The following CFAP57 variants were observed in gnomAD, a reference collection of about 807,000 sequenced individuals.
CFAP57 encodes the protein cilia and flagella associated protein 57, also known as cilia- and flagella-associated protein 57.
A neutral mutation model predicts 146.8 loss-of-function variants in CFAP57; 116 were observed. The observed-to-expected ratio is 0.79, with a 90% CI of 0.68 to 0.92. CFAP57 has a LOEUF of 0.92. Ranked by LOEUF, CFAP57 falls within the 40% of genes least tolerant of loss-of-function variation. The pLI, the probability that CFAP57 is intolerant of heterozygous loss-of-function variation, is 0.00. For synonymous variants in CFAP57, 518 were observed against 552.8 expected, an observed-to-expected ratio of 0.94 and a Z score of 0.88; for missense variants, 1,377 against 1,527.2, an observed-to-expected ratio of 0.90 and a Z score of 1.64.
Position 43,227,182 on chromosome 1 carries a change from A to G in CFAP57, c.3009+56A>G, listed in dbSNP as rs1002203549. ...TCAGACCCTCTGTCTCTTCTTCCAC[A>G]ATTGGCTAGCTGGCCTCAGGGACTG... On this transcript the variant is annotated intron_variant, in intron 18 of 22. Coordinates refer to ENST00000372492, the MANE Select transcript of CFAP57 (RefSeq NM_001378189.1). 1.4e-5 allele frequency: 20 copies of G among 1,450,288 alleles called. No individual in the cohort carries two copies. In the Middle Eastern group the frequency reaches 9.0e-4, roughly 65 times the overall value. The allele number at this position is 1,450,288 out of a possible 1,614,324, so 89.8% of individuals were successfully genotyped here.
rs377303300 is a variant in CFAP57 at position 43,177,249 on chromosome 1, C to T, written c.158-4285C>T. Reference sequence around the variant, plus strand: ...GGCACTTGGAGCAGGTAGAGGCAGGCGACAGGGTGGTGTGAAGAGATCAAT... The same window carrying T: ...GGCACTTGGAGCAGGTAGAGGCAGGTGACAGGGTGGTGTGAAGAGATCAAT... On this transcript the variant is annotated intron_variant, in intron 2 of 22. Transcript: ENST00000372492. The T allele has an allele frequency of 1.7e-4, 77 of 455,550 alleles. 3 individuals are homozygous for T. Among genetic ancestry groups the T allele is most frequent in the South Asian group, 9.8e-4 (63 of 64,428 alleles). 28.2% of individuals were successfully genotyped at this position (455,550 alleles called of 1,614,324 possible).
chr1:43,175,362 G>A (rs988151870), intron 2 of CFAP57, among the ~76,000 whole-genome samples: 2 of 151,698 alleles, frequency 1.3e-5, no homozygotes, highest in African/African-American at 2.4e-5. Context: ...ACACACATCA[G>A]TATAGTTTTT....
intron 11 of CFAP57, chr1:43,210,349 T>TTGTAA: frequency 7.4e-7 from 1 of 1,350,920 alleles, no homozygotes; most frequent in East Asian, 2.9e-5. Context: ...GAGTACACAT[T>TTGTAA]TGTAAATTGT....
chr1:43,205,078 C>T (rs973374880), intron 9 of CFAP57, among the ~76,000 whole-genome samples: 2 of 152,174 alleles, frequency 1.3e-5, no homozygotes, highest in Admixed American at 6.5e-5. Context: ...TCTGACTGCA[C>T]CTGAATCAGT....
intron 10 of CFAP57, 95 bp downstream of exon 10, chr1:43,207,027 C>G (rs572056375): frequency 7.8e-7 from 1 of 1,279,948 alleles, no homozygotes; most frequent in Non-Finnish European, 1.1e-6. Flanking sequence ...GAATGAGGGC[C>G]TCTGCATACA....
Position 43,243,237 on chromosome 1 carries a change from C to T in CFAP57, c.3416C>T (p.Ser1139Phe). 1 of 1,550,024 alleles carries T rather than the reference C, an allele frequency of 6.5e-7. No homozygotes were observed. The highest frequency in any genetic ancestry group is 8.7e-7 in the Non-Finnish European group (1 of 1,146,704). ...CCCCCTTTTCTGCAGGAAAATGTCT[C>T]TCTGATCAAGGAAATTAATGAGCTC... ...DYVRIMQENV[S>F]LIKEINELRR... Residue 1139 changes from serine to phenylalanine, a missense_variant, in exon 22 of 23, where the codon TCT becomes TTT. Ser to Phe is a radical substitution (Grantham distance 155, BLOSUM62 -2). Coordinates refer to ENST00000372492, the MANE Select transcript of CFAP57 (RefSeq NM_001378189.1).
At chr1:43,245,557 C>T (rs1406571262) in intron 22 of CFAP57, among the ~76,000 whole-genome samples, 5 of 152,090 alleles carry the variant, frequency 3.3e-5, no homozygotes, top group African/African-American at 4.8e-5. Flanking sequence ...ACCCCCACCC[C>T]GACCCAGAAG....
chr1:43,242,725 A>G (rs193102523), intron 21 of CFAP57, among the ~76,000 whole-genome samples: 1 of 152,298 alleles, frequency 6.6e-6, no homozygotes, highest in African/African-American at 2.4e-5. Context: ...TGGGGTTGGA[A>G]TCCTGACTCT....
At chr1:43,232,848 A>G (rs184479905) in intron 19 of CFAP57, among the ~76,000 whole-genome samples, 9 of 152,370 alleles carry the variant, frequency 5.9e-5, no homozygotes, top group Non-Finnish European at 7.3e-5. Flanking sequence ...TAAGTGATCA[A>G]GGAGGTGGGA....
At chr1:43,183,473 G>A (rs1163198387) in intron 3 of CFAP57, 118 bp from the exon 4 acceptor site, 2 of 896,606 alleles carry the variant, frequency 2.2e-6, no homozygotes, top group South Asian at 1.5e-5. Context: ...ACATGATTTT[G>A]TGATGTTTTG....
chr1:43,195,477 C>T (rs921897390), intron 6 of CFAP57, among the ~76,000 whole-genome samples: 8 of 151,428 alleles, frequency 5.3e-5, no homozygotes, highest in South Asian at 2.1e-4. Context: ...GCCGAGATCA[C>T]GCCACTGCAC....
At chr1:43,183,958 A>G (rs1280186631) in intron 4 of CFAP57, 81 bp downstream of exon 4, 5 of 1,562,144 alleles carry the variant, frequency 3.2e-6, no homozygotes, top group Non-Finnish European at 4.4e-6. Context: ...TTTAGAAACC[A>G]CTCATAACCC....
chr1:43,202,508 C>T (rs1020506087), intron 9 of CFAP57, among the ~76,000 whole-genome samples: 1 of 152,126 alleles, frequency 6.6e-6, no homozygotes, highest in Admixed American at 6.5e-5. Context: ...GGGGTCCGGG[C>T]GCAGTCACTC....
chr1:43,223,858 G>T (rs1382165822), intron 16 of CFAP57, among the ~76,000 whole-genome samples, 188 bp from the exon 17 acceptor site: 1 of 152,170 alleles, frequency 6.6e-6, no homozygotes, highest in Non-Finnish European at 1.5e-5. Context: ...CATTTGGCCT[G>T]GGAAATTCCT....
chr1:43,226,189 G>A lies in CFAP57; in HGVS notation c.2866-794G>A, dbSNP rs1427539322. Among the ~76,000 whole-genome samples, 3 of 152,186 alleles carry A rather than the reference G, an allele frequency of 2.0e-5. 1 individual carries two copies. The highest frequency in any genetic ancestry group is 4.4e-5 in the Non-Finnish European group (3 of 68,034). ...CCCATCTCAAAAAGAAAAACTAAGT[G>A]ATTGAAAGCAACTATTTTATTCTGC... On this transcript the variant is annotated intron_variant, in intron 17 of 22. Coordinates refer to ENST00000372492, the MANE Select transcript of CFAP57 (RefSeq NM_001378189.1).
intron 17 of CFAP57, 54 bp from the exon 18 acceptor site, chr1:43,226,929 G>A (rs1645265091): frequency 1.4e-6 from 2 of 1,442,070 alleles, no homozygotes; most frequent in Non-Finnish European, 1.8e-6. Context: ...CTAAAGGGCT[G>A]CAGTATACCA....
At chr1:43,223,077 G>GGGGGTGCTGGCC in intron 16 of CFAP57, 80 bp downstream of exon 16, 11 of 1,434,796 alleles carry the variant, frequency 7.7e-6, no homozygotes, top group Non-Finnish European at 9.3e-7. Context: ...TGACCGGCCT[G>GGGGGTGCTGGCC]GGGGTGCTGG....
At chr1:43,229,172 T>G (rs1645372634) in intron 18 of CFAP57, among the ~76,000 whole-genome samples, 1 of 149,006 alleles carries the variant, frequency 6.7e-6, no homozygotes, top group Non-Finnish European at 1.5e-5. Flanking sequence ...ACTGCCCCCT[T>G]TCTCCTTCCT....
chr1:43,220,064 T>C (rs1478794767), intron 13 of CFAP57, among the ~76,000 whole-genome samples: 2 of 152,202 alleles, frequency 1.3e-5, no homozygotes, highest in Non-Finnish European at 2.9e-5. Context: ...GTATTAGTGG[T>C]ATTAACAGAT....
Sources: allele counts gnomAD v4.1 joint callset (sites outside exome capture counted in the v4.1 genomes callset), GRCh38; gene constraint gnomAD v4.1.1; transcripts MANE v1.5; gene names NCBI Gene and HGNC (gene_info 2026-07-23, HGNC 2026-07-21).